ABCC1: variants seen among roughly 807,000 people sequenced by gnomAD.
ABCC1 encodes ATP binding cassette subfamily C member 1 (ABCC1 blood group).
Under a neutral mutation model 172.9 loss-of-function variants are expected in ABCC1, and 83 were observed. The observed-to-expected ratio is 0.48, with a 90% confidence interval of 0.40 to 0.58. The LOEUF (loss-of-function observed/expected upper bound fraction) is 0.58, where lower values mean the gene tolerates loss of function less well. Ranked by LOEUF, ABCC1 falls within the 20% of genes least tolerant of loss-of-function variation. The pLI is 0.00. For synonymous variants in ABCC1, 937 were observed against 825.2 expected, an observed-to-expected ratio of 1.14 and a Z score of -2.32; for missense variants, 1,817 against 2,002.7, an observed-to-expected ratio of 0.91 and a Z score of 1.77.
chr16:16,060,388 A>G (rs1415160115), intron 12 of ABCC1, among the ~76,000 whole-genome samples: 4 of 152,154 alleles, frequency 2.6e-5, no homozygotes, highest in Admixed American at 2.0e-4. Context: ...AAGAAATGAC[A>G]TCTTGTTGCC....
At chr16:15,973,224 TTAAAG>T (rs1463373600) in intron 1 of ABCC1, among the ~76,000 whole-genome samples, 1 of 152,180 alleles carries the variant, frequency 6.6e-6, no homozygotes, top group Non-Finnish European at 1.5e-5. Context: ...TTAATAGCTA[TTAAAG>T]TAAATATAGC....
intron 5 of ABCC1, among the ~76,000 whole-genome samples, chr16:16,025,683 C>G (rs907455823): frequency 1.2e-4 from 19 of 152,186 alleles, no homozygotes; most frequent in African/African-American, 4.6e-4. Context: ...GAATCAGTGC[C>G]TGGGGCTGCC....
intron 22 of ABCC1, 81 bp downstream of exon 22, chr16:16,111,663 T>G: frequency 1.5e-6 from 2 of 1,332,472 alleles, no homozygotes; most frequent in Non-Finnish European, 2.1e-6. Context: ...ATCCTTAGAG[T>G]CCTCAGCGTT....
rs2048868637 is a variant in ABCC1, at chr16:16,039,174, TGAG to T, written c.809+2574_809+2576del. 2.0e-5 allele frequency among the ~76,000 whole-genome samples: 3 copies of T among 150,158 alleles called. No homozygotes were observed. The South Asian group carries it at 6.3e-4, about 32-fold the overall frequency. ...TGATGGTGTTGGGGTGAGATAAAAA[TGAG>T]GAAATGAGGGTGAGAGTAACCGAGG... is the stretch of plus-strand genomic sequence containing the variant. On this transcript the variant is annotated intron_variant, in intron 7 of 30. Coordinates refer to ENST00000399410, the MANE Select transcript of ABCC1 (RefSeq NM_004996.4).
intron 1 of ABCC1, among the ~76,000 whole-genome samples, chr16:15,971,698 G>A (rs765573334): frequency 1.6e-4 from 24 of 152,138 alleles, no homozygotes; most frequent in South Asian, 2.1e-4. Context: ...GAAGAATGGC[G>A]TGTCCATGTG....
intron 1 of ABCC1, among the ~76,000 whole-genome samples, chr16:15,956,349 A>G (rs952329833): frequency 2.6e-5 from 4 of 151,678 alleles, no homozygotes; most frequent in African/African-American, 9.7e-5. Flanking sequence ...TGGGTGACAG[A>G]GTAAGACTCT....
intron 1 of ABCC1, among the ~76,000 whole-genome samples, chr16:15,958,799 G>A (rs1341231799): frequency 6.6e-6 from 1 of 152,170 alleles, no homozygotes; most frequent in Non-Finnish European, 1.5e-5. Context: ...GGGCCTTTGA[G>A]GAAGCTGTAT....
chr16:16,051,361 G>A (rs2049421571), intron 10 of ABCC1, among the ~76,000 whole-genome samples: 1 of 151,642 alleles, frequency 6.6e-6, no homozygotes, highest in South Asian at 2.1e-4. Flanking sequence ...TTGTAGAAAT[G>A]GGGGTCTTGC....
intron 20 of ABCC1, among the ~76,000 whole-genome samples, chr16:16,104,349 C>T (rs765520833): frequency 1.8e-4 from 27 of 152,058 alleles, no homozygotes; most frequent in South Asian, 6.2e-4. Context: ...TTGATTGGTC[C>T]GTTTTGACAG....
chr16:15,977,552 G>C (rs1019092819), intron 1 of ABCC1, among the ~76,000 whole-genome samples: 18 of 151,812 alleles, frequency 1.2e-4, no homozygotes, highest in African/African-American at 4.4e-4. Flanking sequence ...CCCTAAGCTT[G>C]TGACTATCTT....
At chr16:16,106,464 C>A in intron 20 of ABCC1, 1 of 252,746 alleles carries the variant, frequency 4.0e-6, no homozygotes, top group Non-Finnish European at 7.3e-6. Flanking sequence ...TTGTCATGGG[C>A]TTTTTGCAGG....
intron 24 of ABCC1, among the ~76,000 whole-genome samples, chr16:16,123,125 C>A (rs1396192402): frequency 6.6e-6 from 1 of 152,084 alleles, no homozygotes; most frequent in African/African-American, 2.4e-5. Flanking sequence ...GGTGGGCTAA[C>A]CCTGAATGAT....
chr16:16,036,553 C>T lies in ABCC1; in HGVS notation c.759C>T (p.Val253=), dbSNP rs375476378. 4.4e-5 allele frequency: 71 copies of T among 1,613,956 alleles called. No individual in the cohort carries two copies. Among genetic ancestry groups the T allele is most frequent in the African/African-American group, 1.3e-4 (10 of 74,934 alleles). Residue 253 remains valine, a synonymous_variant, in exon 7 of 31, where the codon GTC becomes GTT. Transcript: ENST00000399410. The part of the protein sequence containing the change: ...SLNKEDTSEQ[V]VPVLVKNWKK... ...ACAAGGAGGACACGTCGGAACAAGT[C>T]GTGCCTGTTTTGGTAAAGAACTGGA...
At chr16:15,999,373 T>G (rs1379065101) in intron 1 of ABCC1, among the ~76,000 whole-genome samples, 1 of 151,518 alleles carries the variant, frequency 6.6e-6, no homozygotes, top group Non-Finnish European at 1.5e-5. Context: ...CCCAGCACTT[T>G]GGGAGGCTGA....
rs780178288 is a variant in ABCC1 at position 16,044,661 on chromosome 16, T to C, written c.1021T>C (p.Ser341Pro). Residue 341 changes from serine (S) to proline (P), a missense_variant, in exon 8 of 31, where the codon TCC (serine) becomes CCC (proline). Coordinates refer to ENST00000399410, the MANE Select transcript of ABCC1 (RefSeq NM_004996.4). ...GGCCATCCACGACCTGATGATGTTT[T>C]CCGGGCCGCAGATCTTAAAGTAAGA... ...FKAIHDLMMFSGPQILKLLIK... is the reference protein window; with the variant it reads ...FKAIHDLMMFPGPQILKLLIK... 1 of 1,614,020 alleles carries C rather than the reference T, an allele frequency of 6.2e-7. No homozygotes were observed. The highest frequency in any genetic ancestry group is 1.3e-5 in the African/African-American group (1 of 74,914).
intron 19 of ABCC1, among the ~76,000 whole-genome samples, chr16:16,097,785 C>T (rs143740908): frequency 6.6e-6 from 1 of 152,314 alleles, no homozygotes; most frequent in Non-Finnish European, 1.5e-5. Context: ...TGCTGTGTGC[C>T]ACAAGGCCAC....
chr16:16,004,294 G>A (rs954127164), intron 1 of ABCC1, among the ~76,000 whole-genome samples: 4 of 152,048 alleles, frequency 2.6e-5, no homozygotes, highest in African/African-American at 9.7e-5. Flanking sequence ...TTTAACATTG[G>A]AACTATGTCT....
At chr16:16,058,898 TA>T (rs1167261186) in intron 12 of ABCC1, among the ~76,000 whole-genome samples, 6 of 152,328 alleles carry the variant, frequency 3.9e-5, no homozygotes, top group African/African-American at 9.6e-5. Flanking sequence ...TCAGGAGATC[TA>T]CCCGCCTTGG....
chr16:16,134,771 G>A (rs2045855468), intron 28 of ABCC1, among the ~76,000 whole-genome samples: 1 of 151,894 alleles, frequency 6.6e-6, no homozygotes. Flanking sequence ...TGAGTAGCTG[G>A]GACTACAGGC....
Sources: allele counts gnomAD v4.1 joint callset (sites outside exome capture counted in the v4.1 genomes callset), GRCh38; gene constraint gnomAD v4.1.1; transcripts MANE v1.5; gene names NCBI Gene and HGNC (gene_info 2026-07-23, HGNC 2026-07-21).